ABL2: variants seen among roughly 807,000 people sequenced by gnomAD.
The protein encoded by ABL2 is ABL proto-oncogene 2, non-receptor tyrosine kinase, also known as tyrosine-protein kinase ABL2.
A neutral mutation model predicts 107.7 loss-of-function variants in ABL2; 49 were observed. That is an observed-to-expected ratio of 0.45 (90% CI 0.36 to 0.58). The LOEUF (loss-of-function observed/expected upper bound fraction) is 0.58, where lower values mean the gene tolerates loss of function less well. Ranked by LOEUF, ABL2 falls within the 20% of genes least tolerant of loss-of-function variation. ABL2 has a pLI of 0.00. For missense variants in ABL2, 1,245 were observed against 1,457.0 expected (o/e 0.85, Z 2.37); for synonymous variants, 549 against 548.6 (o/e 1.00, Z -0.01).
At chr1:179,113,813 A>G (rs544276206) in intron 9 of ABL2, among the ~76,000 whole-genome samples, 2 of 151,480 alleles carry the variant, frequency 1.3e-5, no homozygotes, top group South Asian at 4.2e-4. Context: ...CGGCGCCTAT[A>G]GTCCCAGCTA....
chr1:179,167,343 T>C (rs545493751), intron 1 of ABL2, among the ~76,000 whole-genome samples: 1 of 152,332 alleles, frequency 6.6e-6, no homozygotes, highest in East Asian at 1.9e-4. Context: ...CTCGCTTTTA[T>C]GTGACAGTTG....
intron 3 of ABL2, among the ~76,000 whole-genome samples, chr1:179,129,184 A>G (rs185358385): frequency 1.3e-5 from 2 of 152,328 alleles, no homozygotes; most frequent in African/African-American, 4.8e-5. Context: ...TGTTGGTCAT[A>G]AGATAAAGGC....
chr1:179,172,313 C>G (rs1190407466), intron 1 of ABL2, among the ~76,000 whole-genome samples: 1 of 152,148 alleles, frequency 6.6e-6, no homozygotes, highest in Non-Finnish European at 1.5e-5. Flanking sequence ...CTTCATGATA[C>G]CTCTACCACT....
intron 1 of ABL2, among the ~76,000 whole-genome samples, chr1:179,151,922 T>C (rs1217519189): frequency 6.6e-6 from 1 of 152,226 alleles, no homozygotes; most frequent in Admixed American, 6.5e-5. Context: ...TCAAACAGGA[T>C]GCATTTGCTC....
At chr1:179,205,188 A>T (rs955553815) in intron 1 of ABL2, among the ~76,000 whole-genome samples, 4 of 151,974 alleles carry the variant, frequency 2.6e-5, no homozygotes, top group African/African-American at 9.7e-5. Flanking sequence ...CACCACACCC[A>T]GCTAATTTTT....
chr1:179,223,869 T>C (rs1364854332), intron 1 of ABL2, among the ~76,000 whole-genome samples: 1 of 150,660 alleles, frequency 6.6e-6, no homozygotes, highest in African/African-American at 2.4e-5. Flanking sequence ...GGCTCACACC[T>C]GTAATCTCAG....
intron 2 of ABL2, among the ~76,000 whole-genome samples, chr1:179,133,081 ACT>A (rs1210302264): frequency 7.0e-6 from 1 of 143,282 alleles, no homozygotes; most frequent in Non-Finnish European, 1.5e-5. Context: ...CTGGTCTTGA[ACT>A]CCTGACCTTG....
intron 10 of ABL2, 61 bp from the exon 11 acceptor site, chr1:179,110,516 T>C (rs1653949978): frequency 6.5e-7 from 1 of 1,549,512 alleles, no homozygotes; most frequent in South Asian, 1.3e-5. Flanking sequence ...AAGGGAGTTC[T>C]TTTCAGAAAA....
intron 9 of ABL2, among the ~76,000 whole-genome samples, chr1:179,114,126 G>A (rs1403623554): frequency 1.3e-5 from 2 of 151,552 alleles, no homozygotes; most frequent in Non-Finnish European, 1.5e-5. Flanking sequence ...GTGGTGGCAG[G>A]TGCCTGTAAT....
chr1:179,115,129 C>T, intron 8 of ABL2, 99 bp from the exon 9 acceptor site: 2 of 1,125,576 alleles, frequency 1.8e-6, no homozygotes, highest in Non-Finnish European at 1.3e-6. Flanking sequence ...AACATTCACA[C>T]ACTGTTACAA....
At chr1:179,195,276 A>G (rs932131612) in intron 1 of ABL2, among the ~76,000 whole-genome samples, 1 of 152,176 alleles carries the variant, frequency 6.6e-6, no homozygotes, top group South Asian at 2.1e-4. Flanking sequence ...CAACACAGTA[A>G]AACTCTGTCT....
At chr1:179,179,877 G>A (rs1178988497) in intron 1 of ABL2, among the ~76,000 whole-genome samples, 2 of 151,776 alleles carry the variant, frequency 1.3e-5, no homozygotes, top group African/African-American at 4.8e-5. Context: ...GAGGCAGGGG[G>A]ATGACTTGAG....
intron 1 of ABL2, among the ~76,000 whole-genome samples, chr1:179,181,533 T>G (rs1274122562): frequency 6.6e-6 from 1 of 152,160 alleles, no homozygotes; most frequent in Non-Finnish European, 1.5e-5. Flanking sequence ...TGAAACATGC[T>G]TAATGATGCT....
At chr1:179,211,305 G>C (rs1662259111) in intron 1 of ABL2, among the ~76,000 whole-genome samples, 1 of 152,172 alleles carries the variant, frequency 6.6e-6, no homozygotes, top group Admixed American at 6.5e-5. Flanking sequence ...ATTGCTTTGA[G>C]CCCAGGAGTC....
At chr1:179,211,125 T>C (rs1011157485) in intron 1 of ABL2, among the ~76,000 whole-genome samples, 2 of 152,112 alleles carry the variant, frequency 1.3e-5, no homozygotes, top group African/African-American at 4.8e-5. Flanking sequence ...CATTAGAATT[T>C]TTCCAAATAT....
chr1:179,159,539 T>C (rs1430805692), intron 1 of ABL2, among the ~76,000 whole-genome samples: 1 of 152,172 alleles, frequency 6.6e-6, no homozygotes, highest in Admixed American at 6.5e-5. Context: ...AGCTAGAAAA[T>C]ATGGTAGCCT....
chr1:179,156,593 G>C lies in ABL2; in HGVS notation c.158-23219C>G, dbSNP rs529415494. Among the ~76,000 whole-genome samples, 6 of 152,246 alleles carry C rather than the reference G, an allele frequency of 3.9e-5. No individual in the cohort carries two copies. In the South Asian group the frequency reaches 1.2e-3, roughly 32 times the overall value. ...TACCTTAGTTAATAAAACTTTACTA[G>C]GCCTGGCATGGTGGCTCACACCTGT... is the stretch of plus-strand genomic sequence containing the variant. On this transcript the variant is annotated intron_variant, in intron 1 of 11. Coordinates refer to ENST00000502732, the MANE Select transcript of ABL2 (RefSeq NM_007314.4).
chr1:179,200,082 T>A lies in ABL2; in HGVS notation c.157+29159A>T, dbSNP rs189639340. Among the ~76,000 whole-genome samples, 354 of 140,494 alleles carry A rather than the reference T, an allele frequency of 2.5e-3. 3 individuals are homozygous for A. Among genetic ancestry groups the A allele is most frequent in the African/African-American group, 9.1e-3 (337 of 36,858 alleles). The allele number at this position is 140,494 out of a possible 152,430, so 92.2% of individuals were successfully genotyped here. A position where few individuals can be genotyped will look rare whatever the true frequency, so the allele number is the denominator to read the frequency against. ...TTTTTTTTAAGACGGAGTCTCCCTC[T>A]GTCTTCCAGGCTAGAGTGCAGTGGT... On this transcript the variant is annotated intron_variant, in intron 1 of 11. Coordinates refer to ENST00000502732, the MANE Select transcript of ABL2 (RefSeq NM_007314.4).
At chr1:179,125,358 A>C (rs1655636446) in intron 4 of ABL2, among the ~76,000 whole-genome samples, 1 of 152,234 alleles carries the variant, frequency 6.6e-6, no homozygotes, top group Non-Finnish European at 1.5e-5. Context: ...TTATTAATCC[A>C]TTCTACTGTT....
Sources: gnomAD v4.1 joint callset for allele counts (sites outside exome capture counted in the v4.1 genomes callset) on GRCh38, gnomAD v4.1.1 for gene constraint, MANE v1.5 for transcripts, NCBI Gene and HGNC (gene_info 2026-07-23, HGNC 2026-07-21) for gene names.